Variants in MTMR2 observed in about 807,000 individuals in gnomAD.
MTMR2 encodes the protein myotubularin related protein 2.
Under a neutral mutation model 86.9 loss-of-function variants are expected in MTMR2, and 55 were observed. The observed-to-expected ratio is 0.63, with a 90% CI of 0.51 to 0.79. The LOEUF is 0.79. MTMR2 is among the 30% of genes least tolerant of loss of function. The probability of loss-of-function intolerance (pLI) is 0.00; values close to 1 mark genes in which losing one functional copy is unlikely to be tolerated. For missense variants in MTMR2, 659 were observed against 772.3 expected (o/e 0.85, Z 1.74); for synonymous variants, 241 against 266.8 (o/e 0.90, Z 0.94).
intron 1 of MTMR2, among the ~76,000 whole-genome samples, chr11:95,915,126 T>G (rs965693578): frequency 9.2e-5 from 14 of 152,066 alleles, no homozygotes; most frequent in African/African-American, 3.1e-4. Flanking sequence ...GATAAAAGAA[T>G]GTTGTTATCT....
At chr11:95,874,445 T>G (rs1865019583) in intron 2 of MTMR2, among the ~76,000 whole-genome samples, 1 of 152,154 alleles carries the variant, frequency 6.6e-6, no homozygotes. Flanking sequence ...TCCATTTGCT[T>G]GGTAGATCTT....
In MTMR2 at chr11:95,924,057, C is replaced by T; in HGVS notation, c.-103G>A. 1 of 1,442,452 alleles carries T rather than the reference C, an allele frequency of 6.9e-7. No individual in the cohort carries two copies. The highest frequency in any genetic ancestry group is 2.0e-5 in the Admixed American group (1 of 50,540). 89.4% of individuals were successfully genotyped at this position (1,442,452 alleles called of 1,614,324 possible). A position where few individuals can be genotyped will look rare whatever the true frequency, so the allele number is the denominator to read the frequency against. On this transcript the variant is annotated 5_prime_UTR_variant, in exon 1 of 15. Transcript: ENST00000346299. ...CTACGGACCGGGGCCGCAGTCAGGCCAGCGCCGGCCCGGGAGGGAGACCGG... is the reference window on the plus strand; with the variant it reads ...CTACGGACCGGGGCCGCAGTCAGGCTAGCGCCGGCCCGGGAGGGAGACCGG...
intron 1 of MTMR2, among the ~76,000 whole-genome samples, chr11:95,897,008 C>G (rs1294446728): frequency 6.6e-6 from 1 of 151,786 alleles, no homozygotes; most frequent in Non-Finnish European, 1.5e-5. Flanking sequence ...TTAGTCCTAT[C>G]TAGCTAACAG....
chr11:95,889,933 T>G (rs78037323), intron 1 of MTMR2, among the ~76,000 whole-genome samples: 2,427 of 152,060 alleles, frequency 0.016, 23 homozygotes, highest in Non-Finnish European at 0.025. Flanking sequence ...AATGCAAAAT[T>G]TTTTTCACTA....
At chr11:95,836,676 A>G (rs1177919866) in intron 13 of MTMR2, among the ~76,000 whole-genome samples, 1 of 152,072 alleles carries the variant, frequency 6.6e-6, no homozygotes, top group Non-Finnish European at 1.5e-5. Flanking sequence ...GATAAGTAAA[A>G]TATATCCACA....
At chr11:95,877,168 T>C (rs1312541124) in intron 2 of MTMR2, among the ~76,000 whole-genome samples, 2 of 152,292 alleles carry the variant, frequency 1.3e-5, no homozygotes, top group Admixed American at 6.5e-5. Flanking sequence ...ATATCAATTA[T>C]ACTTTATTCT....
At chr11:95,920,345 T>C (rs987543824) in intron 1 of MTMR2, among the ~76,000 whole-genome samples, 1 of 152,208 alleles carries the variant, frequency 6.6e-6, no homozygotes. Flanking sequence ...TCTCACTCTA[T>C]TGCCCACTCT....
At chr11:95,840,008 T>C (rs75875108) in intron 12 of MTMR2, 56 of 152,250 alleles carry the variant, frequency 3.7e-4, no homozygotes, top group African/African-American at 1.3e-3. Context: ...TTAAAATTAC[T>C]AAGGAAGAAA....
chr11:95,892,872 T>A (rs1865760051), intron 1 of MTMR2, among the ~76,000 whole-genome samples: 1 of 152,162 alleles, frequency 6.6e-6, no homozygotes, highest in Admixed American at 6.6e-5. Context: ...TAACCTCTCC[T>A]CACAGGAATC....
chr11:95,837,440 A>C (rs1046448931), intron 13 of MTMR2, among the ~76,000 whole-genome samples: 2 of 152,072 alleles, frequency 1.3e-5, no homozygotes, highest in African/African-American at 4.8e-5. Context: ...GTTGATGCAG[A>C]GGGAGATACC....
chr11:95,896,395 A>G (rs748711401), intron 1 of MTMR2, among the ~76,000 whole-genome samples: 1 of 151,302 alleles, frequency 6.6e-6, no homozygotes, highest in Non-Finnish European at 1.5e-5. Flanking sequence ...AGCTCTGTGC[A>G]GCCTCAAATT....
intron 12 of MTMR2, among the ~76,000 whole-genome samples, chr11:95,840,498 C>G (rs1212755079): frequency 1.3e-5 from 2 of 152,124 alleles, no homozygotes; most frequent in Non-Finnish European, 2.9e-5. Flanking sequence ...ACCTCTCCTT[C>G]CTCTTACCTC....
chr11:95,837,088 T>C (rs1473613605), intron 13 of MTMR2, among the ~76,000 whole-genome samples: 1 of 152,076 alleles, frequency 6.6e-6, no homozygotes, highest in Non-Finnish European at 1.5e-5. Flanking sequence ...GCTATGCTAT[T>C]TCTAATGAAC....
intron 1 of MTMR2, among the ~76,000 whole-genome samples, chr11:95,888,473 G>C (rs1865592392): frequency 6.6e-6 from 1 of 152,142 alleles, no homozygotes; most frequent in Non-Finnish European, 1.5e-5. Flanking sequence ...CCTCTGGATA[G>C]ACTCCCAATA....
chr11:95,915,758 T>G (rs528212263), intron 1 of MTMR2, among the ~76,000 whole-genome samples: 1 of 152,220 alleles, frequency 6.6e-6, no homozygotes, highest in South Asian at 2.1e-4. Context: ...TGGAAATGGA[T>G]GTCAAATTGG....
At chr11:95,841,493 G>T in intron 12 of MTMR2, 124 bp downstream of exon 12, 1 of 780,310 alleles carries the variant, frequency 1.3e-6, no homozygotes. Context: ...GCTCTCACAT[G>T]GACATGGAGA....
At chr11:95,891,297 A>G (rs187747156) in intron 1 of MTMR2, among the ~76,000 whole-genome samples, 22 of 152,228 alleles carry the variant, frequency 1.4e-4, no homozygotes, top group African/African-American at 5.1e-4. Context: ...CTAAAAATAC[A>G]AAAATTAGCC....
chr11:95,885,783 G>A (rs975778529), intron 2 of MTMR2, among the ~76,000 whole-genome samples: 1 of 151,950 alleles, frequency 6.6e-6, no homozygotes, highest in Non-Finnish European at 1.5e-5. Context: ...GTATGTGGGT[G>A]GGGGAGGGGC....
intron 9 of MTMR2, 87 bp downstream of exon 9, chr11:95,849,587 G>A (rs1863935931): frequency 8.4e-7 from 1 of 1,194,054 alleles, no homozygotes; most frequent in African/African-American, 1.5e-5. Context: ...CCACTGTAGA[G>A]CCTGAGCTCT....
Sources: gnomAD v4.1 joint callset for allele counts (sites outside exome capture counted in the v4.1 genomes callset) on GRCh38, gnomAD v4.1.1 for gene constraint, MANE v1.5 for transcripts, NCBI Gene and HGNC (gene_info 2026-07-23, HGNC 2026-07-21) for gene names.